Variants in SLC9A7 observed in about 807,000 individuals in gnomAD.
The protein encoded by SLC9A7 is solute carrier family 9 member A7, also known as sodium/hydrogen exchanger 7.
In SLC9A7, 19 loss-of-function variants were observed where a neutral mutation model predicts 52.6. That is an observed-to-expected ratio of 0.36 (90% confidence interval 0.25 to 0.53). The LOEUF (loss-of-function observed/expected upper bound fraction) is 0.53. Ranked by LOEUF, SLC9A7 falls within the 20% of genes least tolerant of loss-of-function variation. The pLI is 0.91. For synonymous variants in SLC9A7, 226 were observed against 252.1 expected (o/e 0.90, Z 0.98); for missense variants, 455 against 597.9 (o/e 0.76, Z 2.49).
At chrX:46,655,255 G>A (rs1458272186) in intron 7 of SLC9A7, among the ~76,000 whole-genome samples, 1 of 111,484 alleles carries the variant, frequency 9.0e-6, no homozygotes, top group Non-Finnish European at 1.9e-5. Context: ...AAAGTGCTGG[G>A]ATTACAGGTG....
At chrX:46,629,265 G>A (rs2099258552) in intron 14 of SLC9A7, among the ~76,000 whole-genome samples, 1 of 111,889 alleles carries the variant, frequency 8.9e-6, no homozygotes, top group African/African-American at 3.3e-5. Context: ...GGCCCTCTGG[G>A]AGCTGACAGG....
chrX:46,662,591 T>C lies in SLC9A7; in HGVS notation c.846A>G (p.Ala282=), dbSNP rs768140440. The C allele has an allele frequency of 1.3e-5, 16 of 1,208,926 alleles. No homozygotes were observed. In the East Asian group the frequency reaches 4.7e-4, roughly 36 times the overall value. Reference sequence around the variant, plus strand: ...TTAGGACGCTCTCTCCAAAAAGAAGTGCGTAAAGATCCACGTCTGCATGCA... The same window carrying C: ...TTAGGACGCTCTCTCCAAAAAGAAGCGCGTAAAGATCCACGTCTGCATGCA... The part of the protein sequence containing the change: ...NELHADVDLY[A]LLFGESVLND... The change falls in exon 6 of 17, where the codon GCA becomes GCG. Residue 282 remains alanine, a synonymous_variant. Coordinates refer to ENST00000616978, the MANE Select transcript of SLC9A7 (RefSeq NM_001257291.2).
chrX:46,676,265 A>G (rs1944117906), intron 3 of SLC9A7, among the ~76,000 whole-genome samples: 1 of 111,429 alleles, frequency 9.0e-6, no homozygotes, highest in Non-Finnish European at 1.9e-5. Flanking sequence ...CATTATCTCC[A>G]GGTAGATAGT....
chrX:46,752,972 A>G (rs1556289140), intron 1 of SLC9A7, among the ~76,000 whole-genome samples: 2 of 112,371 alleles, frequency 1.8e-5, no homozygotes, highest in African/African-American at 6.5e-5. Context: ...TTAATATTCT[A>G]AGAAATGCTT....
At chrX:46,710,387 C>T (rs1944669120) in intron 1 of SLC9A7, among the ~76,000 whole-genome samples, 1 of 111,690 alleles carries the variant, frequency 9.0e-6, no homozygotes, top group Admixed American at 9.5e-5. Flanking sequence ...AGTGAGGGCC[C>T]CCATAGATTT....
chrX:46,633,748 T>C (rs1390402722), intron 13 of SLC9A7, among the ~76,000 whole-genome samples: 2 of 108,587 alleles, frequency 1.8e-5, no homozygotes, highest in Non-Finnish European at 3.8e-5. Context: ...CTTAGCTCAC[T>C]GCAACCTCCA....
chrX:46,758,802 G>A lies in SLC9A7; in HGVS notation c.228C>T (p.Thr76=), dbSNP rs781949036. ...SHRQDSVSLL[T]FILLLTLTIL... is the part of the protein sequence containing the mutation. ...TGGTGAGCGTGAGCAGCAGGATGAA[G>A]GTGAGCAGGCTCACGCTGTCTTGCC... is the stretch of plus-strand genomic sequence containing the variant. The change falls in exon 1 of 17, where the codon ACC becomes ACT. Residue 76 remains threonine (T), a synonymous_variant. Coordinates refer to ENST00000616978, the MANE Select transcript of SLC9A7 (RefSeq NM_001257291.2). 8.3e-7 allele frequency: 1 copy of A among 1,205,886 alleles called. No homozygotes were observed. The highest frequency in any genetic ancestry group is 1.7e-5 in the African/African-American group (1 of 57,158).
intron 1 of SLC9A7, among the ~76,000 whole-genome samples, chrX:46,753,863 G>T (rs890366702): frequency 1.8e-4 from 20 of 109,975 alleles, no homozygotes; most frequent in Non-Finnish European, 3.6e-4. Context: ...GCGGGTGCCT[G>T]TAGTCCCAGC....
At chrX:46,663,681 C>A (rs1162069225) in intron 5 of SLC9A7, among the ~76,000 whole-genome samples, 9 of 103,356 alleles carry the variant, frequency 8.7e-5, no homozygotes, top group Admixed American at 6.3e-4. Context: ...AAAAAAAGGG[C>A]CAGGTGCGGT....
intron 10 of SLC9A7, among the ~76,000 whole-genome samples, chrX:46,650,343 T>G (rs1943561003): frequency 8.9e-6 from 1 of 112,131 alleles, no homozygotes. Context: ...AACCCTCAGC[T>G]GTCCATCCAC....
At chrX:46,689,176 A>G (rs1171646370) in intron 1 of SLC9A7, among the ~76,000 whole-genome samples, 1 of 111,833 alleles carries the variant, frequency 8.9e-6, no homozygotes, top group East Asian at 2.8e-4. Flanking sequence ...TAACCCCAGC[A>G]ACCACTGCTT....
chrX:46,654,767 A>T (rs1943642964), intron 7 of SLC9A7, among the ~76,000 whole-genome samples: 1 of 111,182 alleles, frequency 9.0e-6, no homozygotes, highest in Admixed American at 9.6e-5. Context: ...TAACAGTGCC[A>T]TTCAACACAC....
chrX:46,731,989 A>C (rs1182756379), intron 1 of SLC9A7, among the ~76,000 whole-genome samples: 1 of 111,475 alleles, frequency 9.0e-6, no homozygotes, highest in Non-Finnish European at 1.9e-5. Flanking sequence ...TGGGAGGCTG[A>C]GGCGGGTGGA....
intron 1 of SLC9A7, among the ~76,000 whole-genome samples, chrX:46,733,626 G>A (rs1161468724): frequency 9.0e-6 from 1 of 111,239 alleles, no homozygotes; most frequent in Non-Finnish European, 1.9e-5. Flanking sequence ...TGGTAATGGA[G>A]TTAGAATCAA....
intron 1 of SLC9A7, among the ~76,000 whole-genome samples, chrX:46,757,745 C>A (rs782376640): frequency 1.5e-5 from 1 of 66,094 alleles, no homozygotes; most frequent in Admixed American, 1.7e-4. Context: ...ATGGGCAGGG[C>A]GAGGGGGGAG....
rs1213720102 is a variant in SLC9A7, at chrX:46,602,055, A to C, written c.*4897T>G. 1 of 110,680 alleles carries C rather than the reference A, an allele frequency of 9.0e-6. No homozygotes were observed. Among genetic ancestry groups the C allele is most frequent in the Non-Finnish European group, 1.9e-5 (1 of 52,795 alleles). 9.1% of individuals were successfully genotyped at this position (110,680 alleles called of 1,213,427 possible). A position where few individuals can be genotyped will look rare whatever the true frequency, so the allele number is the denominator to read the frequency against. ...TAATTTAATTCCAGGTGAAATTAAA[A>C]AAAAAAAACAAAACAGCTTCCCAGA... On this transcript the variant is annotated 3_prime_UTR_variant, in exon 17 of 17. Coordinates refer to ENST00000616978, the MANE Select transcript of SLC9A7 (RefSeq NM_001257291.2).
At chrX:46,700,989 T>G (rs1170783284) in intron 1 of SLC9A7, among the ~76,000 whole-genome samples, 1 of 111,746 alleles carries the variant, frequency 8.9e-6, no homozygotes, top group Non-Finnish European at 1.9e-5. Context: ...TATAACCTCC[T>G]GACATGAACT....
chrX:46,737,134 G>C (rs931278332), intron 1 of SLC9A7, among the ~76,000 whole-genome samples: 9 of 111,539 alleles, frequency 8.1e-5, no homozygotes, highest in Non-Finnish European at 1.7e-4. Flanking sequence ...TGCAGATTAA[G>C]ACTTTTGTTC....
rs1180139477 is a variant in SLC9A7 at position 46,600,655 on chromosome X, A to T, written c.*6297T>A. 1.8e-5 allele frequency: 2 copies of T among 112,355 alleles called. No individual in the cohort carries two copies. The highest frequency in any genetic ancestry group is 3.8e-5 in the Non-Finnish European group (2 of 53,271). The allele number at this position is 112,355 out of a possible 1,213,427, so 9.3% of individuals were successfully genotyped here. ...GGTGACAAGATGTGTTTAATTTTTT[A>T]AAAATGTCTATGAAAATTGACACTG... On this transcript the variant is annotated 3_prime_UTR_variant, in exon 17 of 17. Transcript: ENST00000616978.
Sources: allele counts gnomAD v4.1 joint callset (sites outside exome capture counted in the v4.1 genomes callset), GRCh38; gene constraint gnomAD v4.1.1; transcripts MANE v1.5; gene names NCBI Gene and HGNC (gene_info 2026-07-23, HGNC 2026-07-21).